PAQR6: variants seen among roughly 807,000 people sequenced by gnomAD.
PAQR6 encodes progestin and adipoQ receptor family member 6, also known as membrane progestin receptor delta.
PAQR6 carries 34 observed loss-of-function variants against 36.2 expected under a neutral mutation model. That is an observed-to-expected ratio of 0.94 (90% CI 0.71 to 1.25). The LOEUF (loss-of-function observed/expected upper bound fraction) is 1.25. Among genes scored for constraint, PAQR6 ranks in the 50% most tolerant of loss-of-function variants. PAQR6 has a pLI of 0.00. For missense variants in PAQR6, 431 were observed against 445.7 expected, an observed-to-expected ratio of 0.97 and a Z score of 0.30; for synonymous variants, 190 against 190.7, an observed-to-expected ratio of 1.00 and a Z score of 0.03.
In PAQR6 at chr1:156,243,957, T is replaced by C; in HGVS notation, c.*172A>G. ...CACGGTCCCTCTCACACTCTGCCAG[T>C]CCCCCTAGACACCCCTCCTCTTCTC... On this transcript the variant is annotated 3_prime_UTR_variant, in exon 8 of 8. Transcript: ENST00000292291. 2.5e-6 allele frequency: 4 copies of C among 1,614,040 alleles called. No individual in the cohort carries two copies. Among genetic ancestry groups the C allele is most frequent in the Non-Finnish European group, 2.5e-6 (3 of 1,179,982 alleles).
At position 156,245,144 on chromosome 1, in the gene PAQR6, G is replaced by A. The variant is rs1572535665; in HGVS notation, c.607C>T (p.Arg203Trp). The A allele has an allele frequency of 2.5e-6, 4 of 1,613,602 alleles. No individual in the cohort carries two copies. The highest frequency in any genetic ancestry group is 2.2e-5 in the East Asian group (1 of 44,880). The stretch of plus-strand genomic sequence containing the variant: ...GCAGGGGCCCTAGGCCTCCTTACCC[G>A]ATAAAAGAGTGGGAGGTTGTCGAAC... ...FLFDNLPLFY[R>W]LGLCWGRGHG... The change falls in exon 6 of 8, where the codon CGG (arginine) becomes TGG (tryptophan). Residue 203 changes from arginine (R) to tryptophan (W), a missense_variant and splice_region_variant. Transcript: ENST00000292291.
chr1:156,244,517 G>T, intron 7 of PAQR6, 114 bp from the exon 8 acceptor site: 1 of 1,367,904 alleles, frequency 7.3e-7, no homozygotes, highest in South Asian at 1.5e-5. Flanking sequence ...CTCCCAGAGT[G>T]ACTGAAAGGA....
In PAQR6 at chr1:156,247,965, T is replaced by C. The variant is rs1283056018; in HGVS notation, c.-34A>G. The C allele has an allele frequency of 2.2e-6, 1 of 461,182 alleles. No homozygotes were observed. The highest frequency in any genetic ancestry group is 4.5e-6 in the Non-Finnish European group (1 of 222,264). 28.6% of individuals were successfully genotyped at this position (461,182 alleles called of 1,614,324 possible). A position where few individuals can be genotyped will look rare whatever the true frequency, so the allele number is the denominator to read the frequency against. On this transcript the variant is annotated 5_prime_UTR_variant, in exon 1 of 8. Coordinates refer to ENST00000292291, the MANE Select transcript of PAQR6 (RefSeq NM_198406.3). ...AAGGTGAGCTTCCTTACCCAGAGCT[T>C]GGTGGGTGCTCCTAAGCTGGTGGGT...
rs1409961227 is a variant in PAQR6, at chr1:156,244,248, C to T, written c.916G>A (p.Ala306Thr). Residue 306 changes from alanine (A) to threonine (T), a missense_variant, in exon 8 of 8, where the codon GCA becomes ACA. Physicochemically the swap from Ala to Thr is moderately conservative, Grantham distance 58. Transcript: ENST00000292291. ...AGTVATLVLA[A>T]AGNLLIIAAF... is the part of the protein sequence containing the mutation. ...GCAATAATGAGTAGGTTCCCAGCTG[C>T]AGCCAAGACCAGTGTGGCCACTGTG... The T allele has an allele frequency of 6.2e-7, 1 of 1,613,606 alleles. No individual in the cohort carries two copies. The highest frequency in any genetic ancestry group is 8.5e-7 in the Non-Finnish European group (1 of 1,180,014).
In PAQR6 at chr1:156,244,862, C is replaced by T. The variant is rs972916928; in HGVS notation, c.659G>A (p.Ser220Asn). 1 of 1,613,200 alleles carries T rather than the reference C, an allele frequency of 6.2e-7. No homozygotes were observed. Among genetic ancestry groups the T allele is most frequent in the Non-Finnish European group, 8.5e-7 (1 of 1,180,004 alleles). ...RGHGCGQEAL[S>N]TSHGYHLFCA... is the part of the protein sequence containing the mutation. Reference sequence around the variant, plus strand: ...GAAGAGATGGTAGCCATGGCTGGTGCTCAGGGCCTCCTGCCCACAGCCGTG... The same window carrying T: ...GAAGAGATGGTAGCCATGGCTGGTGTTCAGGGCCTCCTGCCCACAGCCGTG... Residue 220 changes from serine (S) to asparagine (N), a missense_variant, in exon 7 of 8, where the codon AGC (serine) becomes AAC (asparagine). By Grantham distance (46) the Ser-to-Asn change is conservative. Transcript: ENST00000292291.
chr1:156,244,262 G>A lies in PAQR6; in HGVS notation c.902C>T (p.Thr301Ile). ...PALGLAGTVA[T>I]LVLAAAGNLL... is the part of the protein sequence containing the mutation. ...GTTCCCAGCTGCAGCCAAGACCAGT[G>A]TGGCCACTGTGCCTGCCAGGCCCAG... Residue 301 changes from threonine to isoleucine, a missense_variant, in exon 8 of 8, where the codon ACA becomes ATA. Physicochemically the swap from Thr to Ile is moderately conservative, Grantham distance 89. Coordinates refer to ENST00000292291, the MANE Select transcript of PAQR6 (RefSeq NM_198406.3). The A allele has an allele frequency of 1.9e-6, 3 of 1,613,636 alleles. No individual in the cohort carries two copies. The South Asian group carries it at 3.3e-5, about 18-fold the overall frequency.
At chr1:156,244,530 G>C in intron 7 of PAQR6, 127 bp from the exon 8 acceptor site, 1 of 1,359,354 alleles carries the variant, frequency 7.4e-7, no homozygotes, top group African/African-American at 1.5e-5. Context: ...TGAAAGGAAT[G>C]AATGAGCATG....
At chr1:156,246,846 G>C (rs1433358391) in intron 1 of PAQR6, 90 bp from the exon 2 acceptor site, 2 of 1,151,258 alleles carry the variant, frequency 1.7e-6, no homozygotes, top group South Asian at 1.5e-5. Flanking sequence ...TGGGCTGTGC[G>C]TGTGGGAGGC....
At chr1:156,246,827 GC>G (rs1660590366) in intron 1 of PAQR6, 71 bp from the exon 2 acceptor site, 1 of 1,336,594 alleles carries the variant, frequency 7.5e-7, no homozygotes, top group East Asian at 2.4e-5. Flanking sequence ...CCTGGGTTCA[GC>G]CGCAGGATGG....
intron 5 of PAQR6, 59 bp downstream of exon 5, chr1:156,245,476 T>G: frequency 6.3e-7 from 1 of 1,598,586 alleles, no homozygotes; most frequent in Non-Finnish European, 8.5e-7. Context: ...AGCAGTGAGG[T>G]GTGTCCTCTC....
chr1:156,244,457 C>A (rs1659881451), intron 7 of PAQR6, 54 bp from the exon 8 acceptor site: 1 of 1,445,950 alleles, frequency 6.9e-7, no homozygotes, highest in East Asian at 2.5e-5. Flanking sequence ...CAAGTCACCC[C>A]ATCCTCTGGG....
At chr1:156,246,291 G>A (rs777254557) in intron 2 of PAQR6, 41 bp from the exon 3 acceptor site, 9 of 1,540,388 alleles carry the variant, frequency 5.8e-6, no homozygotes, top group Non-Finnish European at 8.0e-6. Flanking sequence ...ACTGTGCCCG[G>A]ACCCTTTCCC....
Position 156,244,865 on chromosome 1 carries a change from A to G in PAQR6, c.656T>C (p.Leu219Pro), listed in dbSNP as rs1181974793. The G allele has an allele frequency of 4.3e-6, 7 of 1,613,250 alleles. No individual in the cohort carries two copies. Among genetic ancestry groups the G allele is most frequent in the Non-Finnish European group, 5.9e-6 (7 of 1,179,976 alleles). ...GAGATGGTAGCCATGGCTGGTGCTCAGGGCCTCCTGCCCACAGCCGTGGCC... is the reference window on the plus strand; with the variant it reads ...GAGATGGTAGCCATGGCTGGTGCTCGGGGCCTCCTGCCCACAGCCGTGGCC... ...GRGHGCGQEA[L>P]STSHGYHLFC... is the part of the protein sequence containing the mutation. Residue 219 changes from leucine to proline, a missense_variant, in exon 7 of 8, where the codon CTG becomes CCG. Leu to Pro is a moderately conservative substitution (Grantham distance 98, BLOSUM62 -3). Transcript: ENST00000292291.
At chr1:156,245,040 G>A in intron 6 of PAQR6, 102 bp downstream of exon 6, 1 of 1,598,534 alleles carries the variant, frequency 6.3e-7, no homozygotes, top group South Asian at 1.1e-5. Flanking sequence ...AAGAGAGGCG[G>A]CTGGGCTGAG....
intron 2 of PAQR6, 152 bp downstream of exon 2, chr1:156,246,529 C>CA: frequency 1.0e-6 from 1 of 989,116 alleles, no homozygotes; most frequent in Non-Finnish European, 1.5e-6. Context: ...GCTTGTTCCT[C>CA]AGAGAACAGA....
rs774274604 is a variant in PAQR6 at position 156,244,751 on chromosome 1, G to A, written c.760+10C>T. 25 of 1,613,684 alleles carry A rather than the reference G, an allele frequency of 1.5e-5. No homozygotes were observed. The highest frequency in any genetic ancestry group is 1.6e-4 in the Middle Eastern group (1 of 6,084). ...TGCCTCTTCCCGGGCCGGGCCAGGC[G>A]TGCCCTCACCGATGTAATCAAAGCG... On this transcript the variant is annotated intron_variant, in intron 7 of 7. Coordinates refer to ENST00000292291, the MANE Select transcript of PAQR6 (RefSeq NM_198406.3).
At chr1:156,245,736 G>A (rs1172125928) in intron 4 of PAQR6, 46 bp downstream of exon 4, 1 of 1,569,828 alleles carries the variant, frequency 6.4e-7, no homozygotes, top group Non-Finnish European at 8.6e-7. Flanking sequence ...CCCTCGCCCC[G>A]CTCCGGGACG....
chr1:156,243,740 G>C lies in PAQR6; in HGVS notation c.*389C>G. ...CAAGAAGCATTCAGGGTAGGCCTAG[G>C]TTAGTCGTGTTAGTTCTTCCCTGTG... On this transcript the variant is annotated 3_prime_UTR_variant, in exon 8 of 8. Coordinates refer to ENST00000292291, the MANE Select transcript of PAQR6 (RefSeq NM_198406.3). 5 of 1,242,892 alleles carry C rather than the reference G, an allele frequency of 4.0e-6. No homozygotes were observed. The highest frequency in any genetic ancestry group is 5.5e-6 in the Non-Finnish European group (5 of 901,492). The allele number at this position is 1,242,892 out of a possible 1,614,324, so 77.0% of individuals were successfully genotyped here.
rs1458590684 is a variant in PAQR6 at position 156,243,985 on chromosome 1, C to CCCTCTCTCCTGTGCCCTCTCTCCTCAG, written c.*117_*143dup. The CCCTCTCTCCTGTGCCCTCTCTCCTCAG allele has an allele frequency of 7.4e-6, 12 of 1,614,076 alleles. No homozygotes were observed. The highest frequency in any genetic ancestry group is 9.3e-6 in the Non-Finnish European group (11 of 1,180,032). On this transcript the variant is annotated 3_prime_UTR_variant, in exon 8 of 8. Transcript: ENST00000292291. ...CCCTAGACACCCCTCCTCTTCTCTG[C>CCCTCTCTCCTGTGCCCTCTCTCCTCAG]CCTCTCTCCTGTGCCCTCTCTCCTC...
Sources: gnomAD v4.1 joint callset for allele counts on GRCh38, gnomAD v4.1.1 for gene constraint, MANE v1.5 for transcripts, NCBI Gene and HGNC (gene_info 2026-07-23, HGNC 2026-07-21) for gene names.